VAT1L: variants seen among roughly 807,000 people sequenced by gnomAD.
VAT1L encodes the protein putative NADPH-dependent quinone oxidoreductase VAT1L.
In VAT1L, 34 loss-of-function variants were observed where a neutral mutation model predicts 44.1. The ratio of observed to expected loss-of-function variants is 0.77; its 90% CI spans 0.59 to 1.03. The LOEUF (loss-of-function observed/expected upper bound fraction) is 1.03, where lower values mean the gene tolerates loss of function less well. Ranked by LOEUF, VAT1L falls within the 50% of genes least tolerant of loss-of-function variation. The pLI, the probability that VAT1L is intolerant of heterozygous loss-of-function variation, is 0.00. For missense variants in VAT1L, 615 were observed against 538.8 expected (o/e 1.14, Z -1.40); for synonymous variants, 253 against 202.2 (o/e 1.25, Z -2.13).
intron 7 of VAT1L, among the ~76,000 whole-genome samples, chr16:77,894,057 T>C (rs1311725843): frequency 3.3e-5 from 5 of 152,192 alleles, no homozygotes; most frequent in Non-Finnish European, 1.5e-5. Context: ...ACACGGCCAA[T>C]GCATGGCAAA....
At chr16:77,916,904 C>T (rs1296587313) in intron 7 of VAT1L, among the ~76,000 whole-genome samples, 1 of 151,536 alleles carries the variant, frequency 6.6e-6, no homozygotes, top group Non-Finnish European at 1.5e-5. Context: ...AGCGATTGCA[C>T]TCATGGTAAT....
chr16:77,927,399 AC>A (rs1292822742), intron 7 of VAT1L, among the ~76,000 whole-genome samples: 1 of 151,672 alleles, frequency 6.6e-6, no homozygotes, highest in Non-Finnish European at 1.5e-5. Flanking sequence ...TGTTGTCCCT[AC>A]TTTACAGATG....
At chr16:77,857,836 C>G (rs868840411) in intron 3 of VAT1L, among the ~76,000 whole-genome samples, 1 of 143,502 alleles carries the variant, frequency 7.0e-6, no homozygotes, top group Non-Finnish European at 1.5e-5. Context: ...TTATCTCTCT[C>G]TTTTTTTTTT....
intron 3 of VAT1L, among the ~76,000 whole-genome samples, chr16:77,843,158 A>G (rs1290903754): frequency 1.3e-5 from 2 of 152,228 alleles, no homozygotes. Context: ...GACAGCAGGT[A>G]CGGGTCTACC....
chr16:77,946,816 A>G (rs1241706527), intron 7 of VAT1L, among the ~76,000 whole-genome samples: 1 of 152,176 alleles, frequency 6.6e-6, no homozygotes, highest in Non-Finnish European at 1.5e-5. Context: ...ACTACTGTTC[A>G]TAGCCACCCC....
Position 77,959,820 on chromosome 16 carries a change from AT to A in VAT1L, c.1078-12027del, listed in dbSNP as rs879783654. ...GGTGAGGGGAGATAGGAGGTTCTAG[AT>A]TTGCAACCACATTCATGGAAACTCT... On this transcript the variant is annotated intron_variant, in intron 7 of 8. Coordinates refer to ENST00000302536, the MANE Select transcript of VAT1L (RefSeq NM_020927.3). 8.3e-4 allele frequency among the ~76,000 whole-genome samples: 126 copies of A among 152,174 alleles called. 1 individual carries two copies. Among genetic ancestry groups the A allele is most frequent in the Non-Finnish European group, 1.7e-3 (119 of 68,048 alleles).
intron 3 of VAT1L, among the ~76,000 whole-genome samples, chr16:77,849,945 A>G (rs982537880): frequency 6.6e-6 from 1 of 152,186 alleles, no homozygotes; most frequent in African/African-American, 2.4e-5. Context: ...TGTTCAGGGC[A>G]GGTACTTTGA....
intron 4 of VAT1L, 77 bp downstream of exon 4, chr16:77,862,967 G>C: frequency 4.0e-6 from 6 of 1,511,012 alleles, no homozygotes; most frequent in Non-Finnish European, 5.4e-6. Flanking sequence ...TTATTTAAAA[G>C]AGGGATAATA....
intron 8 of VAT1L, among the ~76,000 whole-genome samples, chr16:77,972,358 A>G (rs969233900): frequency 1.3e-5 from 2 of 151,860 alleles, no homozygotes; most frequent in Non-Finnish European, 2.9e-5. Flanking sequence ...AAACTCTGTC[A>G]CCCAGGCTGG....
intron 7 of VAT1L, among the ~76,000 whole-genome samples, chr16:77,935,629 G>A (rs972520673): frequency 6.6e-6 from 1 of 151,952 alleles, no homozygotes; most frequent in Non-Finnish European, 1.5e-5. Flanking sequence ...TGAGTGGGGG[G>A]AAGAGAGAGA....
intron 1 of VAT1L, among the ~76,000 whole-genome samples, chr16:77,805,646 A>C: frequency 6.6e-6 from 1 of 151,122 alleles, no homozygotes; most frequent in South Asian, 2.1e-4. Flanking sequence ...GGACTGGTTA[A>C]AGTTCCGAGG....
intron 7 of VAT1L, among the ~76,000 whole-genome samples, chr16:77,964,326 G>A (rs1177423259): frequency 6.6e-6 from 1 of 152,136 alleles, no homozygotes; most frequent in African/African-American, 2.4e-5. Flanking sequence ...AAATCAAGGT[G>A]TCAGCAGGGC....
chr16:77,963,788 T>C (rs1407007573), intron 7 of VAT1L, among the ~76,000 whole-genome samples: 5 of 152,074 alleles, frequency 3.3e-5, no homozygotes, highest in African/African-American at 9.7e-5. Flanking sequence ...CAGGGGAATA[T>C]TGGGGAAGCC....
At chr16:77,925,711 C>T (rs1378156904) in intron 7 of VAT1L, among the ~76,000 whole-genome samples, 1 of 152,122 alleles carries the variant, frequency 6.6e-6, no homozygotes, top group Non-Finnish European at 1.5e-5. Context: ...TCTAGAGAGA[C>T]TACAGGAAAT....
At chr16:77,859,402 G>T (rs1226268824) in intron 3 of VAT1L, among the ~76,000 whole-genome samples, 1 of 152,172 alleles carries the variant, frequency 6.6e-6, no homozygotes, top group African/African-American at 2.4e-5. Context: ...CTGAAGTTCG[G>T]TGTGTGTTAG....
Position 77,979,199 on chromosome 16 carries a change from A to T in VAT1L, c.*1504A>T, listed in dbSNP as rs921644876. ...TGGTCTTTTTACCTATCCTAAGCTT[A>T]TGATGATGAGTTATGTATGCCAAAT... is the stretch of plus-strand genomic sequence containing the variant. On this transcript the variant is annotated 3_prime_UTR_variant, in exon 9 of 9. Coordinates refer to ENST00000302536, the MANE Select transcript of VAT1L (RefSeq NM_020927.3). The T allele has an allele frequency of 2.8e-4, 43 of 152,632 alleles. No individual in the cohort carries two copies. Among genetic ancestry groups the T allele is most frequent in the African/African-American group, 1.0e-3 (43 of 41,458 alleles). The allele number at this position is 152,632 out of a possible 1,614,324, so 9.5% of individuals were successfully genotyped here.
chr16:77,876,671 T>C (rs1386909515), intron 5 of VAT1L, among the ~76,000 whole-genome samples, 198 bp downstream of exon 5: 2 of 152,240 alleles, frequency 1.3e-5, no homozygotes, highest in Non-Finnish European at 2.9e-5. Flanking sequence ...TACTGTCCTA[T>C]ATCCTATTAT....
At position 77,788,874 on chromosome 16, in the gene VAT1L, C is replaced by A; in HGVS notation, c.192C>A (p.Pro64=). 1.3e-6 allele frequency: 2 copies of A among 1,562,604 alleles called. No individual in the cohort carries two copies. Among genetic ancestry groups the A allele is most frequent in the Non-Finnish European group, 1.7e-6 (2 of 1,155,872 alleles). Reference sequence around the variant, plus strand: ...TGCGGCTCTTCAGGAAGGCCATGCCCGAGCCTCAGGACGGCGAGCTCAAGA... The same window carrying A: ...TGCGGCTCTTCAGGAAGGCCATGCCAGAGCCTCAGGACGGCGAGCTCAAGA... ...NKLRLFRKAM[P]EPQDGELKIR... is the part of the protein sequence containing the mutation. Residue 64 remains proline (P), a synonymous_variant, in exon 1 of 9, where the codon CCC becomes CCA. Transcript: ENST00000302536.
At chr16:77,811,208 G>T (rs372612071) in intron 1 of VAT1L, among the ~76,000 whole-genome samples, 3 of 152,292 alleles carry the variant, frequency 2.0e-5, no homozygotes, top group Middle Eastern at 6.9e-3. Flanking sequence ...TTTCATATGA[G>T]CAACCCCTGC....
Sources: allele counts gnomAD v4.1 joint callset (sites outside exome capture counted in the v4.1 genomes callset), GRCh38; gene constraint gnomAD v4.1.1; transcripts MANE v1.5; gene names NCBI Gene and HGNC (gene_info 2026-07-23, HGNC 2026-07-21).